Variants in CSMD1 observed in about 807,000 individuals in gnomAD.
CSMD1 encodes CUB and sushi domain-containing protein 1.
Under a neutral mutation model 417.5 loss-of-function variants are expected in CSMD1, and 213 were observed. The ratio of observed to expected loss-of-function variants is 0.51; its 90% CI spans 0.46 to 0.57. The LOEUF (loss-of-function observed/expected upper bound fraction) is 0.57. Ranked by LOEUF, CSMD1 falls within the 20% of genes least tolerant of loss-of-function variation. CSMD1 has a pLI of 0.00. For synonymous variants in CSMD1, 2,862 were observed against 1,736.8 expected, an observed-to-expected ratio of 1.65 and a Z score of -16.11; for missense variants, 6,923 against 4,529.7, an observed-to-expected ratio of 1.53 and a Z score of -15.17.
At chr8:3,330,186 A>C (rs1806799611) in intron 23 of CSMD1, among the ~76,000 whole-genome samples, 1 of 152,170 alleles carries the variant, frequency 6.6e-6, no homozygotes, top group African/African-American at 2.4e-5. Context: ...CAATTACTAT[A>C]GCATTCTTCA....
At chr8:3,766,533 C>T (rs966087280) in intron 5 of CSMD1, among the ~76,000 whole-genome samples, 1 of 152,042 alleles carries the variant, frequency 6.6e-6, no homozygotes, top group Non-Finnish European at 1.5e-5. Flanking sequence ...ACATTTGAAA[C>T]AGGGAGCAGT....
intron 1 of CSMD1, among the ~76,000 whole-genome samples, chr8:4,968,340 A>G (rs1177440984): frequency 6.6e-6 from 1 of 152,134 alleles, no homozygotes; most frequent in African/African-American, 2.4e-5. Flanking sequence ...TTGTGTCACC[A>G]TCACCACTAT....
intron 3 of CSMD1, among the ~76,000 whole-genome samples, chr8:4,048,975 A>AT (rs1397964227): frequency 2.0e-5 from 3 of 152,092 alleles, no homozygotes; most frequent in African/African-American, 7.2e-5. Flanking sequence ...ATGTGTGTGA[A>AT]TTTCTCTAAG....
intron 5 of CSMD1, among the ~76,000 whole-genome samples, chr8:3,931,660 G>C (rs1006030862): frequency 1.3e-5 from 2 of 149,450 alleles, no homozygotes; most frequent in Admixed American, 6.7e-5. Flanking sequence ...ACCTTGTATA[G>C]TTCTAAAAAA....
intron 3 of CSMD1, among the ~76,000 whole-genome samples, chr8:4,310,239 A>C (rs368050293): frequency 6.6e-6 from 1 of 152,180 alleles, no homozygotes; most frequent in East Asian, 1.9e-4. Context: ...CAATTAACTT[A>C]TCACACAGAA....
chr8:4,503,269 T>C (rs1802351544), intron 2 of CSMD1, among the ~76,000 whole-genome samples: 2 of 152,154 alleles, frequency 1.3e-5, no homozygotes, highest in Non-Finnish European at 2.9e-5. Context: ...GGCAGCCTGC[T>C]TGACATTTAT....
At chr8:4,622,550 G>C (rs763089000) in intron 2 of CSMD1, among the ~76,000 whole-genome samples, 1 of 152,126 alleles carries the variant, frequency 6.6e-6, no homozygotes, top group Non-Finnish European at 1.5e-5. Context: ...TACTGAGAAA[G>C]CTTAACATAG....
chr8:4,013,488 G>A (rs375456022), intron 4 of CSMD1, among the ~76,000 whole-genome samples: 7 of 152,248 alleles, frequency 4.6e-5, no homozygotes, highest in Admixed American at 3.3e-4. Flanking sequence ...GATAAGACCA[G>A]GAGAGTCCTG....
At chr8:3,076,988 C>T (rs1813729803) in intron 49 of CSMD1, among the ~76,000 whole-genome samples, 1 of 151,528 alleles carries the variant, frequency 6.6e-6, no homozygotes, top group Non-Finnish European at 1.5e-5. Flanking sequence ...CTCACCCCTG[C>T]TCACCGTCCT....
At chr8:4,361,222 C>G (rs1212901424) in intron 3 of CSMD1, among the ~76,000 whole-genome samples, 1 of 151,832 alleles carries the variant, frequency 6.6e-6, no homozygotes. Context: ...CAGTGGAATA[C>G]CTAAGTTACT....
intron 12 of CSMD1, among the ~76,000 whole-genome samples, chr8:3,442,169 T>G (rs1191712431): frequency 6.6e-6 from 1 of 151,988 alleles, no homozygotes. Context: ...AGGCTAAATG[T>G]TATAGCAAAA....
intron 53 of CSMD1, 94 bp from the exon 54 acceptor site, chr8:2,998,278 G>A (rs1034279392): frequency 7.7e-6 from 10 of 1,292,246 alleles, no homozygotes; most frequent in Middle Eastern, 1.9e-4. Flanking sequence ...GCATGCTAAC[G>A]GTATGGACTG....
intron 4 of CSMD1, among the ~76,000 whole-genome samples, chr8:4,020,339 C>T (rs981612499): frequency 1.3e-5 from 2 of 152,218 alleles, no homozygotes; most frequent in African/African-American, 4.8e-5. Flanking sequence ...TAATCCCCTT[C>T]TTTCTGTGCT....
At chr8:3,756,181 G>A (rs929144795) in intron 5 of CSMD1, among the ~76,000 whole-genome samples, 4 of 151,738 alleles carry the variant, frequency 2.6e-5, no homozygotes, top group African/African-American at 4.8e-5. Context: ...GTAAAACCCT[G>A]CCTCTACTAA....
chr8:2,940,784 G>A (rs1200042954), intron 69 of CSMD1, among the ~76,000 whole-genome samples: 1 of 152,178 alleles, frequency 6.6e-6, no homozygotes, highest in Non-Finnish European at 1.5e-5. Flanking sequence ...CATCTTTGCA[G>A]GCAAGTTGAG....
intron 3 of CSMD1, among the ~76,000 whole-genome samples, chr8:4,057,005 T>A (rs1460855924): frequency 6.6e-6 from 1 of 152,212 alleles, no homozygotes; most frequent in East Asian, 1.9e-4. Flanking sequence ...TACGTGTGCA[T>A]GTGTCTTTAT....
intron 5 of CSMD1, among the ~76,000 whole-genome samples, chr8:3,960,513 T>G (rs1291043352): frequency 6.6e-6 from 1 of 152,170 alleles, no homozygotes; most frequent in Non-Finnish European, 1.5e-5. Context: ...TTGAGAAAAT[T>G]TAAAAATTAG....
At chr8:3,807,352 G>C (rs1253226029) in intron 5 of CSMD1, among the ~76,000 whole-genome samples, 3 of 152,132 alleles carry the variant, frequency 2.0e-5, no homozygotes, top group African/African-American at 7.2e-5. Context: ...GTAATAGAAA[G>C]TGATTAATCT....
chr8:4,156,440 A>T (rs1266814919), intron 3 of CSMD1, among the ~76,000 whole-genome samples: 1 of 152,200 alleles, frequency 6.6e-6, no homozygotes, highest in East Asian at 1.9e-4. Context: ...AAGAAAGGAT[A>T]AATATGCTAT....
Sources: allele counts gnomAD v4.1 joint callset (sites outside exome capture counted in the v4.1 genomes callset), GRCh38; gene constraint gnomAD v4.1.1; transcripts MANE v1.5; gene names NCBI Gene and HGNC (gene_info 2026-07-23, HGNC 2026-07-21).